Variants in CBLN2 observed in about 807,000 individuals in gnomAD.
CBLN2 encodes cerebellin-2.
Under a neutral mutation model 15.0 loss-of-function variants are expected in CBLN2, and 7 were observed. The ratio of observed to expected loss-of-function variants is 0.47; its 90% CI spans 0.27 to 0.88. CBLN2 has a LOEUF of 0.88. Among genes scored for constraint, CBLN2 ranks in the 40% least tolerant of loss-of-function variants. The pLI is 0.14. For missense variants in CBLN2, 242 were observed against 304.5 expected (o/e 0.79, Z 1.53); for synonymous variants, 149 against 135.2 (o/e 1.10, Z -0.71).
chr18:72,588,587 G>A (rs538029599), intron 1 of CBLN2, among the ~76,000 whole-genome samples: 3 of 152,264 alleles, frequency 2.0e-5, no homozygotes, highest in African/African-American at 7.2e-5. Context: ...CCAGACTAGC[G>A]GGGAAGACAC....
intron 1 of CBLN2, among the ~76,000 whole-genome samples, chr18:72,607,356 A>G (rs1346484710): frequency 6.6e-6 from 1 of 152,196 alleles, no homozygotes; most frequent in Non-Finnish European, 1.5e-5. Flanking sequence ...CTGGGAAGGC[A>G]TATCCGCCCC....
chr18:72,635,277 C>T (rs1054534616), intron 1 of CBLN2, among the ~76,000 whole-genome samples: 4 of 151,998 alleles, frequency 2.6e-5, no homozygotes, highest in South Asian at 2.1e-4. Flanking sequence ...ATATTTTTTT[C>T]GACAATGTAC....
At chr18:72,560,750 T>G (rs2069254788) in intron 1 of CBLN2, among the ~76,000 whole-genome samples, 1 of 152,232 alleles carries the variant, frequency 6.6e-6, no homozygotes, top group African/African-American at 2.4e-5. Context: ...GGCTCACGCC[T>G]GTAATCCCAG....
upstream of CBLN2, among the ~76,000 whole-genome samples, chr18:72,546,534 G>A (rs971607749): frequency 1.3e-5 from 2 of 151,992 alleles, no homozygotes; most frequent in Non-Finnish European, 1.5e-5. Context: ...AGATTTAAAA[G>A]CAAAAGTTTT....
chr18:72,604,093 A>G (rs550616302), intron 1 of CBLN2, among the ~76,000 whole-genome samples: 36 of 152,322 alleles, frequency 2.4e-4, no homozygotes, highest in African/African-American at 6.7e-4. Context: ...AAAAGGTACA[A>G]TGGAATTTGA....
At chr18:72,611,409 T>C (rs1010140936) in intron 1 of CBLN2, among the ~76,000 whole-genome samples, 1 of 152,164 alleles carries the variant, frequency 6.6e-6, no homozygotes, top group African/African-American at 2.4e-5. Flanking sequence ...GCATGTACTT[T>C]TCTTTTTTTG....
intron 1 of CBLN2, among the ~76,000 whole-genome samples, chr18:72,555,325 C>T (rs1171438892): frequency 6.6e-6 from 1 of 151,902 alleles, no homozygotes; most frequent in Non-Finnish European, 1.5e-5. Context: ...AAAAGTCTGT[C>T]GTGGTTGCTA....
At chr18:72,631,273 A>G (rs2069774663) in intron 1 of CBLN2, among the ~76,000 whole-genome samples, 1 of 152,176 alleles carries the variant, frequency 6.6e-6, no homozygotes, top group South Asian at 2.1e-4. Context: ...AGCTCTGGAA[A>G]GAAGACAAGA....
chr18:72,617,330 T>C (rs1298495767), intron 1 of CBLN2, among the ~76,000 whole-genome samples: 1 of 152,126 alleles, frequency 6.6e-6, no homozygotes, highest in Non-Finnish European at 1.5e-5. Flanking sequence ...ATTGAATGAA[T>C]TACCATGAAT....
At chr18:72,618,671 T>C in intron 1 of CBLN2, 1 of 789,006 alleles carries the variant, frequency 1.3e-6, no homozygotes, top group Non-Finnish European at 2.2e-6. Context: ...GTGATTGAAC[T>C]CATGACCGAC....
intron 1 of CBLN2, chr18:72,638,250 CCA>C (rs1435932872): frequency 2.5e-6 from 1 of 398,408 alleles, no homozygotes; most frequent in Non-Finnish European, 4.4e-6. Context: ...GTTGTTCATT[CCA>C]CAGTCTTTGG....
intron 1 of CBLN2, among the ~76,000 whole-genome samples, chr18:72,636,666 A>G (rs567181323): frequency 1.3e-5 from 2 of 152,296 alleles, no homozygotes; most frequent in African/African-American, 2.4e-5. Context: ...ATAACACCCA[A>G]CTCTGGCTTT....
At chr18:72,560,980 G>A (rs138725713) in intron 1 of CBLN2, among the ~76,000 whole-genome samples, 162 of 152,156 alleles carry the variant, frequency 1.1e-3, no homozygotes, top group African/African-American at 3.6e-3. Context: ...CCGTACTCCC[G>A]CCTGGGTGAC....
chr18:72,578,067 A>G (rs1163858534), intron 1 of CBLN2, among the ~76,000 whole-genome samples: 1 of 152,206 alleles, frequency 6.6e-6, no homozygotes, highest in Non-Finnish European at 1.5e-5. Flanking sequence ...TCGGCGACTA[A>G]GTTCACCTTT....
At chr18:72,615,847 T>C (rs1393779116) in intron 1 of CBLN2, among the ~76,000 whole-genome samples, 1 of 152,210 alleles carries the variant, frequency 6.6e-6, no homozygotes, top group African/African-American at 2.4e-5. Context: ...AGGGACTGAA[T>C]ATTCTATGAA....
intron 1 of CBLN2, among the ~76,000 whole-genome samples, chr18:72,555,701 C>G (rs188028176): frequency 2.6e-5 from 4 of 152,094 alleles, no homozygotes; most frequent in Non-Finnish European, 5.9e-5. Flanking sequence ...TCTACAGAAA[C>G]TGGAACTTAA....
chr18:72,619,647 C>A (rs758216184), intron 1 of CBLN2, among the ~76,000 whole-genome samples: 1 of 152,114 alleles, frequency 6.6e-6, no homozygotes, highest in African/African-American at 2.4e-5. Flanking sequence ...ATGGTTTGTA[C>A]GATTGTTTTT....
intron 1 of CBLN2, among the ~76,000 whole-genome samples, chr18:72,600,917 TCC>T (rs1361181482): frequency 1.3e-5 from 2 of 152,004 alleles, no homozygotes; most frequent in Non-Finnish European, 2.9e-5. Context: ...AAGTCAGGGG[TCC>T]CAGCAGAGTC....
chr18:72,544,624 T>TATAATA (rs199819020), upstream of CBLN2: 2 of 151,882 alleles, frequency 1.3e-5, no homozygotes, highest in African/African-American at 2.4e-5. Flanking sequence ...ATAATAATAA[T>TATAATA]ATAATAATAA....
Sources: allele counts gnomAD v4.1 joint callset (sites outside exome capture counted in the v4.1 genomes callset), GRCh38; gene constraint gnomAD v4.1.1; transcripts MANE v1.5; gene names NCBI Gene and HGNC (gene_info 2026-07-23, HGNC 2026-07-21).